Variants in SLC35F1 observed in about 807,000 individuals in gnomAD.
SLC35F1 encodes the protein solute carrier family 35 member F1.
In SLC35F1, 14 loss-of-function variants were observed where a neutral mutation model predicts 48.7. That is an observed-to-expected ratio of 0.29 (90% confidence interval 0.19 to 0.45). The LOEUF is 0.45. Among genes scored for constraint, SLC35F1 ranks in the 20% least tolerant of loss-of-function variants. The pLI, the probability that SLC35F1 is intolerant of heterozygous loss-of-function variation, is 1.00. For missense variants in SLC35F1, 404 were observed against 500.0 expected (o/e 0.81, Z 1.83); for synonymous variants, 190 against 202.2 (o/e 0.94, Z 0.51).
chr6:118,039,799 G>GTTTTTTTTTTTTTTTTTTTT (rs149879230), intron 1 of SLC35F1, among the ~76,000 whole-genome samples: 1 of 106,854 alleles, frequency 9.4e-6, no homozygotes, highest in Non-Finnish European at 2.0e-5. Context: ...TCTCAGGATT[G>GTTTTTTTTTTTTTTTTTTTT]TTTTTTTTGT....
chr6:118,117,242 T>A (rs1208381259), intron 1 of SLC35F1, among the ~76,000 whole-genome samples: 1 of 152,198 alleles, frequency 6.6e-6, no homozygotes, highest in Non-Finnish European at 1.5e-5. Context: ...GTCAACCTTA[T>A]CTGTACATGT....
intron 1 of SLC35F1, among the ~76,000 whole-genome samples, chr6:118,099,282 A>G (rs4276535): frequency 0.96 from 145,814 of 152,286 alleles, 70,155 homozygotes; most frequent in East Asian, 1. Context: ...TGTGAAAACA[A>G]ATTGCTAGAC....
chr6:118,116,253 T>TA (rs2114392804), intron 1 of SLC35F1, among the ~76,000 whole-genome samples: 1 of 152,316 alleles, frequency 6.6e-6, no homozygotes, highest in East Asian at 1.9e-4. Context: ...GCTGGCCTGC[T>TA]ACTCAACCAT....
At chr6:117,922,217 A>C (rs1775908737) in intron 1 of SLC35F1, among the ~76,000 whole-genome samples, 1 of 152,184 alleles carries the variant, frequency 6.6e-6, no homozygotes, top group Admixed American at 6.5e-5. Context: ...GCTGGGGAAG[A>C]AAAGCTAAGA....
chr6:118,230,596 TA>T lies in SLC35F1; in HGVS notation c.350-4908del, dbSNP rs569704893. ...TTACAGTAAACCTTCACATAAAATT[TA>T]AAAACACATGAAAGAAAGTCATATA... On this transcript the variant is annotated intron_variant, in intron 2 of 7. Coordinates refer to ENST00000360388, the MANE Select transcript of SLC35F1 (RefSeq NM_001029858.4). 2.6e-4 allele frequency among the ~76,000 whole-genome samples: 39 copies of T among 152,192 alleles called. No individual in the cohort carries two copies. The East Asian group carries it at 7.5e-3, about 29-fold the overall frequency.
At position 118,235,777 on chromosome 6, in the gene SLC35F1, G is replaced by A. The variant is rs982048449; in HGVS notation, c.477+141G>A. On this transcript the variant is annotated intron_variant, in intron 3 of 7. Transcript: ENST00000360388. ...ATACAGACTGCAGTATACAGATTCT[G>A]TATACTATAAGTCTATGAGTTTTGC... 1.1e-5 allele frequency: 8 copies of A among 720,400 alleles called. No homozygotes were observed. In the Admixed American group the frequency reaches 2.2e-4, roughly 20 times the overall value. 44.6% of individuals were successfully genotyped at this position (720,400 alleles called of 1,614,324 possible).
Position 117,907,868 on chromosome 6 carries a change from G to T in SLC35F1, c.142G>T (p.Val48Leu), listed in dbSNP as rs1340360803. Residue 48 changes from valine to leucine, a missense_variant, in exon 1 of 8, where the codon GTG becomes TTG. Val to Leu is a conservative substitution (Grantham distance 32). This residue lies in a region of SLC35F1 where 98 missense variants were observed against 81.0 expected (regional missense o/e 1.21). Transcript: ENST00000360388. The stretch of plus-strand genomic sequence containing the variant: ...CCTGTCCGCCTCCTCCCGGGCTGGC[G>T]TGCGCCAGAGGATCCGCAAAGTGCT... ...GSLSASSRAG[V>L]RQRIRKVLNR... The T allele has an allele frequency of 6.6e-7, 1 of 1,514,660 alleles. No individual in the cohort carries two copies. The highest frequency in any genetic ancestry group is 8.8e-7 in the Non-Finnish European group (1 of 1,141,826). The allele number at this position is 1,514,660 out of a possible 1,614,324, so 93.8% of individuals were successfully genotyped here.
chr6:117,968,752 C>G (rs1008364545), intron 1 of SLC35F1, among the ~76,000 whole-genome samples: 1 of 152,090 alleles, frequency 6.6e-6, no homozygotes, highest in East Asian at 1.9e-4. Context: ...GTTTCTGGGT[C>G]CCTGAGATTC....
At chr6:118,018,703 C>T (rs1353510831) in intron 1 of SLC35F1, among the ~76,000 whole-genome samples, 3 of 152,128 alleles carry the variant, frequency 2.0e-5, no homozygotes, top group Admixed American at 2.0e-4. Context: ...AGGAAAATCT[C>T]ATCCAAAAAC....
chr6:118,035,097 G>A (rs1350318770), intron 1 of SLC35F1, among the ~76,000 whole-genome samples: 1 of 152,212 alleles, frequency 6.6e-6, no homozygotes, highest in Admixed American at 6.5e-5. Context: ...TTCTTCTTGT[G>A]TCAATTTTGC....
At chr6:117,907,956 C>T in intron 1 of SLC35F1, 57 bp downstream of exon 1, 5 of 1,286,162 alleles carry the variant, frequency 3.9e-6, no homozygotes, top group Non-Finnish European at 4.9e-6. Context: ...CGCCCGGCTC[C>T]GGGTCCCCTC....
intron 1 of SLC35F1, among the ~76,000 whole-genome samples, chr6:117,972,306 A>T (rs997641691): frequency 3.9e-5 from 6 of 152,222 alleles, no homozygotes; most frequent in African/African-American, 1.4e-4. Context: ...AAGCCATTCA[A>T]CAAGTCTCTA....
chr6:117,934,905 G>A (rs1216047946), intron 1 of SLC35F1, among the ~76,000 whole-genome samples: 10 of 149,254 alleles, frequency 6.7e-5, no homozygotes, highest in Non-Finnish European at 1.3e-4. Context: ...TCAGGAGTTC[G>A]AGACCCAGCC....
intron 1 of SLC35F1, among the ~76,000 whole-genome samples, chr6:118,127,465 G>T (rs550602047): frequency 6.6e-6 from 1 of 151,918 alleles, no homozygotes; most frequent in Non-Finnish European, 1.5e-5. Context: ...GTCTCTGCCC[G>T]GCTTTGGTAT....
rs574638179 is a variant in SLC35F1 at position 117,947,923 on chromosome 6, G to A, written c.173+40024G>A. On this transcript the variant is annotated intron_variant, in intron 1 of 7. Transcript: ENST00000360388. ...CTCCAAGGAATTGAGTATAGATGAA[G>A]GAAGAAGAGGACCAAGGACTGAGTG... is the stretch of plus-strand genomic sequence containing the variant. Among the ~76,000 whole-genome samples, 15 of 152,148 alleles carry A rather than the reference G, an allele frequency of 9.9e-5. 1 individual carries two copies. In the South Asian group the frequency reaches 2.5e-3, roughly 25 times the overall value.
At chr6:117,913,949 G>T (rs1250978032) in intron 1 of SLC35F1, among the ~76,000 whole-genome samples, 1 of 152,022 alleles carries the variant, frequency 6.6e-6, no homozygotes, top group Non-Finnish European at 1.5e-5. Flanking sequence ...TACTCAGGAG[G>T]CTGAGGCACG....
chr6:118,152,524 G>A (rs1250871478), intron 1 of SLC35F1, among the ~76,000 whole-genome samples: 1 of 152,134 alleles, frequency 6.6e-6, no homozygotes, highest in African/African-American at 2.4e-5. Flanking sequence ...GGTTTGACTG[G>A]GGCAGGAGAA....
chr6:117,994,754 A>T (rs1776962909), intron 1 of SLC35F1, among the ~76,000 whole-genome samples: 1 of 152,206 alleles, frequency 6.6e-6, no homozygotes, highest in Admixed American at 6.5e-5. Context: ...GACATGAATA[A>T]TTTGGTGGGT....
At chr6:118,162,659 C>A (rs1284281956) in intron 2 of SLC35F1, among the ~76,000 whole-genome samples, 1 of 152,160 alleles carries the variant, frequency 6.6e-6, no homozygotes, top group African/African-American at 2.4e-5. Flanking sequence ...CCCTCAGTCG[C>A]TTAGAGATAT....
Sources: gnomAD v4.1 joint callset for allele counts (sites outside exome capture counted in the v4.1 genomes callset) on GRCh38, gnomAD v4.1.1 for gene constraint, gnomAD v4.1.1 regional missense constraint, MANE v1.5 for transcripts, NCBI Gene and HGNC (gene_info 2026-07-23, HGNC 2026-07-21) for gene names.